The following AAK1 variants were observed in gnomAD, a reference collection of about 807,000 sequenced individuals.
AAK1 encodes AP2 associated kinase 1.
In AAK1, 37 loss-of-function variants were observed where a neutral mutation model predicts 116.0. That is an observed-to-expected ratio of 0.32 (90% CI 0.25 to 0.42). The LOEUF (loss-of-function observed/expected upper bound fraction) is 0.42, where lower values mean the gene tolerates loss of function less well. Ranked by LOEUF, AAK1 falls within the 10% of genes least tolerant of loss-of-function variation. The probability of loss-of-function intolerance (pLI) is 1.00; values close to 1 mark genes in which losing one functional copy is unlikely to be tolerated. For synonymous variants in AAK1, 458 were observed against 439.9 expected, an observed-to-expected ratio of 1.04 and a Z score of -0.51; for missense variants, 919 against 1,170.6, an observed-to-expected ratio of 0.79 and a Z score of 3.14.
At chr2:69,604,356 C>T (rs1051045695) in intron 2 of AAK1, among the ~76,000 whole-genome samples, 1 of 152,176 alleles carries the variant, frequency 6.6e-6, no homozygotes, top group Non-Finnish European at 1.5e-5. Context: ...CTGGTCATGT[C>T]TAATTCTGGG....
chr2:69,587,449 A>G (rs1228275262), intron 2 of AAK1, among the ~76,000 whole-genome samples: 1 of 148,296 alleles, frequency 6.7e-6, no homozygotes, highest in Non-Finnish European at 1.5e-5. Flanking sequence ...GTGTATATGT[A>G]TATATGTGTG....
Position 69,519,097 on chromosome 2 carries a change from C to G in AAK1, c.1354G>C (p.Gly452Arg). The G allele has an allele frequency of 6.4e-7, 1 of 1,552,830 alleles. No individual in the cohort carries two copies. The highest frequency in any genetic ancestry group is 8.7e-7 in the Non-Finnish European group (1 of 1,147,614). The change falls in exon 12 of 22, where the codon GGT becomes CGT. Residue 452 changes from glycine (G) to arginine (R), a missense_variant. Around this residue, in one of 4 missense-constraint regions of AAK1, gnomAD observed 214 missense variants for 210.6 expected, o/e 1.02. Coordinates refer to ENST00000409085, the MANE Select transcript of AAK1 (RefSeq NM_014911.5). The stretch of plus-strand genomic sequence containing the variant: ...GTGGCCTGGGCCTGAGCGGGCAGAC[C>G]CTGGGCCTGAGTAGAAGGCGTCTGC... ...PQQTPSTQAQGLPAQAQATPQ... is the reference protein window; with the variant it reads ...PQQTPSTQAQRLPAQAQATPQ...
chr2:69,596,896 G>A (rs1673318931), intron 2 of AAK1, among the ~76,000 whole-genome samples: 1 of 152,192 alleles, frequency 6.6e-6, no homozygotes, highest in African/African-American at 2.4e-5. Context: ...GCCCCCAGGA[G>A]TGGCTGGGGG....
intron 9 of AAK1, among the ~76,000 whole-genome samples, chr2:69,526,009 G>T (rs560034947): frequency 6.6e-6 from 1 of 152,126 alleles, no homozygotes; most frequent in Non-Finnish European, 1.5e-5. Context: ...GTTTCCAGGT[G>T]GGGGGAGATT....
intron 2 of AAK1, among the ~76,000 whole-genome samples, chr2:69,642,059 G>A (rs934876790): frequency 2.0e-5 from 3 of 152,112 alleles, no homozygotes; most frequent in South Asian, 4.1e-4. Context: ...AAGATTTCCC[G>A]AAAGCCTGGG....
In AAK1 at chr2:69,471,658, T is replaced by C. The variant is rs1674685839; in HGVS notation, c.*4211A>G. ...TGCAGACAGAGAAGGTTAAGGACTC[T>C]GGGAAATCACAGAAAAACCTTATCA... On this transcript the variant is annotated 3_prime_UTR_variant, in exon 22 of 22. Transcript: ENST00000409085. 5 of 985,292 alleles carry C rather than the reference T, an allele frequency of 5.1e-6. No individual in the cohort carries two copies. In the South Asian group the frequency reaches 1.9e-4, roughly 37 times the overall value. 61.0% of individuals were successfully genotyped at this position (985,292 alleles called of 1,614,324 possible).
chr2:69,464,547 CAGTT>C lies in AAK1; in HGVS notation c.*11318_*11321del, dbSNP rs1674428119. On this transcript the variant is annotated 3_prime_UTR_variant, in exon 22 of 22. Transcript: ENST00000409085. Reference sequence around the variant, plus strand: ...TAAATAAATAAAATGGGGTTCAAGTCAGTTAGGCGAGCAAACACCAAAAAACGAG... The same window carrying C: ...TAAATAAATAAAATGGGGTTCAAGTCAGGCGAGCAAACACCAAAAAACGAG... The C allele has an allele frequency of 6.6e-6, 1 of 152,546 alleles. No homozygotes were observed. Among genetic ancestry groups the C allele is most frequent in the Non-Finnish European group, 1.5e-5 (1 of 68,034 alleles). The allele number at this position is 152,546 out of a possible 1,614,324, so 9.4% of individuals were successfully genotyped here.
At chr2:69,478,854 C>T in intron 20 of AAK1, 97 bp downstream of exon 20, 1 of 965,936 alleles carries the variant, frequency 1.0e-6, no homozygotes, top group Non-Finnish European at 1.6e-6. Context: ...TTTAAAACTT[C>T]ACTAGTAAAG....
rs188175467 is a variant in AAK1 at position 69,513,347 on chromosome 2, T to G, written c.1776+1124A>C. On this transcript the variant is annotated intron_variant, in intron 13 of 21. Transcript: ENST00000409085. ...TTTCTTTTTTTTTTTTGAGATGGAG[T>G]CTTGCTCTGTGGCCCAGGCTGGAGT... is the stretch of plus-strand genomic sequence containing the variant. Among the ~76,000 whole-genome samples, 3 of 149,980 alleles carry G rather than the reference T, an allele frequency of 2.0e-5. 1 individual carries two copies. In the South Asian group the frequency reaches 6.3e-4, roughly 32 times the overall value.
At chr2:69,527,704 A>G (rs1291315180) in intron 8 of AAK1, among the ~76,000 whole-genome samples, 1 of 152,222 alleles carries the variant, frequency 6.6e-6, no homozygotes, top group African/African-American at 2.4e-5. Context: ...ATTCTTAATA[A>G]TTATAACCAA....
intron 20 of AAK1, among the ~76,000 whole-genome samples, chr2:69,477,378 T>A (rs923600687): frequency 1.7e-4 from 26 of 152,166 alleles, no homozygotes; most frequent in African/African-American, 6.0e-4. Flanking sequence ...AAACCGGGGC[T>A]TGGGGGCAGG....
intron 2 of AAK1, among the ~76,000 whole-genome samples, chr2:69,629,551 A>G (rs184101400): frequency 8.5e-5 from 13 of 152,356 alleles, no homozygotes; most frequent in South Asian, 2.1e-4. Context: ...CTGAAACTCT[A>G]TAAGATTCAA....
intron 2 of AAK1, among the ~76,000 whole-genome samples, chr2:69,572,700 A>C (rs1672138774): frequency 6.6e-6 from 1 of 151,324 alleles, no homozygotes; most frequent in Non-Finnish European, 1.5e-5. Flanking sequence ...TAAATTCTGC[A>C]CTTGAGGCGA....
chr2:69,514,662 G>C lies in AAK1; in HGVS notation c.1585C>G (p.Gln529Glu). The change falls in exon 13 of 22, where the codon CAG becomes GAG. Residue 529 changes from glutamine (Q) to glutamate (E), a missense_variant. Around this residue, in one of 4 missense-constraint regions of AAK1, gnomAD observed 214 missense variants for 210.6 expected, o/e 1.02. Coordinates refer to ENST00000409085, the MANE Select transcript of AAK1 (RefSeq NM_014911.5). Reference sequence around the variant, plus strand: ...TGCTGCTGCTGCTGGTAGAAATTCTGCATTAGCTGCTGTTGAGAGCCTCCT... The same window carrying C: ...TGCTGCTGCTGCTGGTAGAAATTCTCCATTAGCTGCTGTTGAGAGCCTCCT... ...SQGGSQQQLM[Q>E]NFYQQQQQQQ... 1 of 1,613,168 alleles carries C rather than the reference G, an allele frequency of 6.2e-7. No homozygotes were observed. The highest frequency in any genetic ancestry group is 8.5e-7 in the Non-Finnish European group (1 of 1,179,632).
chr2:69,472,316 G>C lies in AAK1; in HGVS notation c.*3553C>G. On this transcript the variant is annotated 3_prime_UTR_variant, in exon 22 of 22. Transcript: ENST00000409085. ...AAGAGTAGTAGAAAAAGTAGACAAA[G>C]AAAGAATATACTTCCAGGTGCTTTC... The C allele has an allele frequency of 3.1e-6, 1 of 319,204 alleles. No individual in the cohort carries two copies. Among genetic ancestry groups the C allele is most frequent in the Non-Finnish European group, 4.5e-6 (1 of 220,902 alleles). The allele number at this position is 319,204 out of a possible 1,614,324, so 19.8% of individuals were successfully genotyped here. A position where few individuals can be genotyped will look rare whatever the true frequency, so the allele number is the denominator to read the frequency against.
At chr2:69,531,476 A>C in intron 6 of AAK1, 1 of 620,064 alleles carries the variant, frequency 1.6e-6, no homozygotes, top group Non-Finnish European at 2.0e-6. Flanking sequence ...GCCTGTAAAA[A>C]ATCCAACATT....
rs901950578 is a variant in AAK1 at position 69,463,226 on chromosome 2, T to C, written c.*12643A>G. On this transcript the variant is annotated 3_prime_UTR_variant, in exon 22 of 22. Transcript: ENST00000409085. The stretch of plus-strand genomic sequence containing the variant: ...AAATAGCTCTCCAAACTTCTACAGC[T>C]AATGGAAAAATCACTTAACCTTTAC... The C allele has an allele frequency of 4.6e-5, 7 of 152,268 alleles. 1 individual carries two copies. Among genetic ancestry groups the C allele is most frequent in the Admixed American group, 3.3e-4 (5 of 15,286 alleles). 9.4% of individuals were successfully genotyped at this position (152,268 alleles called of 1,614,324 possible).
intron 2 of AAK1, among the ~76,000 whole-genome samples, chr2:69,607,831 G>T (rs185730994): frequency 6.6e-6 from 1 of 152,292 alleles, no homozygotes; most frequent in African/African-American, 2.4e-5. Flanking sequence ...AGACATATGT[G>T]CTACAGCAGG....
chr2:69,505,142 CA>C (rs1676135360), intron 16 of AAK1, among the ~76,000 whole-genome samples: 26 of 152,072 alleles, frequency 1.7e-4, no homozygotes, highest in Admixed American at 1.6e-3. Context: ...CACCCACACA[CA>C]CACACACACA....
Sources: gnomAD v4.1 joint callset for allele counts (sites outside exome capture counted in the v4.1 genomes callset) on GRCh38, gnomAD v4.1.1 for gene constraint, gnomAD v4.1.1 regional missense constraint, MANE v1.5 for transcripts, NCBI Gene and HGNC (gene_info 2026-07-23, HGNC 2026-07-21) for gene names.